HS6ST3: variants seen among roughly 807,000 people sequenced by gnomAD.
The protein encoded by HS6ST3 is heparan-sulfate 6-O-sulfotransferase 3.
In HS6ST3, 12 loss-of-function variants were observed where a neutral mutation model predicts 36.7. The ratio of observed to expected loss-of-function variants is 0.33; its 90% CI spans 0.21 to 0.53. HS6ST3 has a LOEUF of 0.53. Ranked by LOEUF, HS6ST3 falls within the 20% of genes least tolerant of loss-of-function variation. The pLI is 0.95. For synonymous variants in HS6ST3, 240 were observed against 257.5 expected (o/e 0.93, Z 0.65); for missense variants, 584 against 640.9 (o/e 0.91, Z 0.96).
chr13:96,227,496 A>G (rs1453226626), intron 1 of HS6ST3, among the ~76,000 whole-genome samples: 1 of 152,222 alleles, frequency 6.6e-6, no homozygotes, highest in African/African-American at 2.4e-5. Context: ...GAACCTCTGT[A>G]CTGTGACACC....
At chr13:96,561,405 A>G (rs1216494563) in intron 1 of HS6ST3, among the ~76,000 whole-genome samples, 1 of 152,194 alleles carries the variant, frequency 6.6e-6, no homozygotes, top group Non-Finnish European at 1.5e-5. Context: ...AAAGATTTAA[A>G]TGTAAGACCT....
intron 1 of HS6ST3, among the ~76,000 whole-genome samples, chr13:96,110,209 G>A (rs763073230): frequency 9.9e-5 from 15 of 152,068 alleles, no homozygotes; most frequent in Non-Finnish European, 2.2e-4. Flanking sequence ...GGCAAAGGAG[G>A]AGCAGGCACA....
At chr13:96,646,776 C>T (rs957075172) in intron 1 of HS6ST3, among the ~76,000 whole-genome samples, 17 of 151,910 alleles carry the variant, frequency 1.1e-4, no homozygotes, top group South Asian at 4.1e-4. Context: ...GGACCCCAAA[C>T]GGTGAGACAG....
At chr13:96,276,862 A>G (rs1226732658) in intron 1 of HS6ST3, among the ~76,000 whole-genome samples, 1 of 152,118 alleles carries the variant, frequency 6.6e-6, no homozygotes, top group Non-Finnish European at 1.5e-5. Context: ...TTTGAAAAGC[A>G]CCATGTATTA....
chr13:96,098,435 A>G (rs2053801901), intron 1 of HS6ST3, among the ~76,000 whole-genome samples: 1 of 152,178 alleles, frequency 6.6e-6, no homozygotes, highest in African/African-American at 2.4e-5. Context: ...AAAGACTTCA[A>G]GAGAGGTTGG....
intron 1 of HS6ST3, among the ~76,000 whole-genome samples, chr13:96,472,026 A>G (rs1296251111): frequency 6.6e-6 from 1 of 152,150 alleles, no homozygotes; most frequent in Non-Finnish European, 1.5e-5. Flanking sequence ...TCATGGAAAC[A>G]TGGGCTGCTT....
At chr13:96,693,029 C>T (rs965811283) in intron 1 of HS6ST3, among the ~76,000 whole-genome samples, 1 of 152,130 alleles carries the variant, frequency 6.6e-6, no homozygotes, top group African/African-American at 2.4e-5. Context: ...GCACAATAGC[C>T]TCCAAGGGTT....
At chr13:96,800,690 C>A (rs1878044344) in intron 1 of HS6ST3, among the ~76,000 whole-genome samples, 1 of 151,976 alleles carries the variant, frequency 6.6e-6, no homozygotes, top group African/African-American at 2.4e-5. Flanking sequence ...TACTGGTTAT[C>A]TTGTTATAGT....
intron 1 of HS6ST3, among the ~76,000 whole-genome samples, chr13:96,544,071 G>T (rs931243181): frequency 2.0e-5 from 3 of 151,984 alleles, no homozygotes; most frequent in African/African-American, 7.3e-5. Flanking sequence ...AGTAGACCAT[G>T]AACTCACCCT....
At chr13:96,320,446 G>T (rs2054997651) in intron 1 of HS6ST3, among the ~76,000 whole-genome samples, 1 of 152,114 alleles carries the variant, frequency 6.6e-6, no homozygotes, top group Admixed American at 6.5e-5. Flanking sequence ...AGTTTTAGTT[G>T]CTTTTTACAA....
intron 1 of HS6ST3, among the ~76,000 whole-genome samples, chr13:96,809,142 C>T (rs922888980): frequency 3.3e-5 from 5 of 152,168 alleles, no homozygotes; most frequent in African/African-American, 1.2e-4. Flanking sequence ...TTGGATTTCA[C>T]TGAAGTTCAT....
At chr13:96,811,675 G>A (rs1878319244) in intron 1 of HS6ST3, among the ~76,000 whole-genome samples, 1 of 152,108 alleles carries the variant, frequency 6.6e-6, no homozygotes, top group Admixed American at 6.5e-5. Flanking sequence ...AAACAAATTA[G>A]AAAGTTGAGC....
chr13:96,517,329 G>C (rs1337783150), intron 1 of HS6ST3, among the ~76,000 whole-genome samples: 3 of 152,166 alleles, frequency 2.0e-5, no homozygotes, highest in Admixed American at 6.5e-5. Flanking sequence ...GCAGTGAGCT[G>C]TGATTGTGCT....
At chr13:96,463,728 T>G (rs2139493499) in intron 1 of HS6ST3, among the ~76,000 whole-genome samples, 1 of 152,048 alleles carries the variant, frequency 6.6e-6, no homozygotes, top group Non-Finnish European at 1.5e-5. Flanking sequence ...ACAAAAGAAC[T>G]TCCTCAAATC....
chr13:96,547,852 A>G (rs2056203322), intron 1 of HS6ST3, among the ~76,000 whole-genome samples: 1 of 151,828 alleles, frequency 6.6e-6, no homozygotes, highest in African/African-American at 2.4e-5. Context: ...TTAACAGTAC[A>G]TGGGGTGTTT....
chr13:96,583,639 C>T (rs959111839), intron 1 of HS6ST3, among the ~76,000 whole-genome samples: 2 of 152,068 alleles, frequency 1.3e-5, no homozygotes, highest in Non-Finnish European at 2.9e-5. Context: ...AGCTCCTTTA[C>T]CCTTCTTAAT....
At chr13:96,800,699 G>A (rs2138527862) in intron 1 of HS6ST3, among the ~76,000 whole-genome samples, 1 of 151,616 alleles carries the variant, frequency 6.6e-6, no homozygotes, top group African/African-American at 2.4e-5. Flanking sequence ...TCTTGTTATA[G>A]TGAATAAAGT....
intron 1 of HS6ST3, among the ~76,000 whole-genome samples, chr13:96,767,592 A>G (rs963061383): frequency 6.6e-6 from 1 of 152,224 alleles, no homozygotes; most frequent in Non-Finnish European, 1.5e-5. Context: ...TGCAACCCTG[A>G]AATAAAACTG....
chr13:96,677,554 G>A (rs2056703001), intron 1 of HS6ST3, among the ~76,000 whole-genome samples: 1 of 152,030 alleles, frequency 6.6e-6, no homozygotes, highest in Non-Finnish European at 1.5e-5. Context: ...GTATATGGAT[G>A]TTTATATGCA....
Sources: allele counts gnomAD v4.1 joint callset (sites outside exome capture counted in the v4.1 genomes callset), GRCh38; gene constraint gnomAD v4.1.1; transcripts MANE v1.5; gene names NCBI Gene and HGNC (gene_info 2026-07-23, HGNC 2026-07-21).